ANO2: variants seen among roughly 807,000 people sequenced by gnomAD.
ANO2 encodes the protein anoctamin 2.
A neutral mutation model predicts 124.2 loss-of-function variants in ANO2; 101 were observed. The observed-to-expected ratio is 0.81, with a 90% CI of 0.69 to 0.96. The LOEUF (loss-of-function observed/expected upper bound fraction) is 0.96, where lower values mean the gene tolerates loss of function less well. Ranked by LOEUF, ANO2 falls within the 40% of genes least tolerant of loss-of-function variation. ANO2 has a pLI of 0.00. For synonymous variants in ANO2, 486 were observed against 482.5 expected (o/e 1.01, Z -0.09); for missense variants, 1,293 against 1,274.5 (o/e 1.01, Z -0.22).
chr12:5,675,378 G>A (rs947264036), intron 14 of ANO2, among the ~76,000 whole-genome samples: 1 of 152,076 alleles, frequency 6.6e-6, no homozygotes, highest in Non-Finnish European at 1.5e-5. Context: ...AACTCTCTGG[G>A]GGCAGAGACC....
At chr12:5,714,113 C>A (rs1430574914) in intron 14 of ANO2, among the ~76,000 whole-genome samples, 1 of 152,256 alleles carries the variant, frequency 6.6e-6, no homozygotes, top group Non-Finnish European at 1.5e-5. Context: ...CTGGCCCATT[C>A]TTTTCACTTT....
chr12:5,797,376 G>A (rs190199231), intron 10 of ANO2, among the ~76,000 whole-genome samples: 45 of 152,304 alleles, frequency 3.0e-4, no homozygotes, highest in Admixed American at 1.2e-3. Flanking sequence ...CTGAGGTCTC[G>A]GGTTGTGTCA....
intron 7 of ANO2, among the ~76,000 whole-genome samples, chr12:5,826,855 A>G (rs1319879057): frequency 6.6e-6 from 1 of 152,048 alleles, no homozygotes; most frequent in Non-Finnish European, 1.5e-5. Flanking sequence ...CACCTCCTCT[A>G]TTCAGTAGAC....
intron 4 of ANO2, among the ~76,000 whole-genome samples, chr12:5,853,760 G>A (rs1202428477): frequency 6.6e-6 from 1 of 152,020 alleles, no homozygotes; most frequent in Non-Finnish European, 1.5e-5. Flanking sequence ...GAAAGGAGGT[G>A]AAACAGAAAA....
chr12:5,665,575 G>A (rs1247185532), intron 14 of ANO2, among the ~76,000 whole-genome samples: 1 of 152,192 alleles, frequency 6.6e-6, no homozygotes, highest in Non-Finnish European at 1.5e-5. Flanking sequence ...GCCCCAGAAA[G>A]AGAAACTGCT....
chr12:5,836,939 T>C (rs1046476034), intron 4 of ANO2, among the ~76,000 whole-genome samples: 7 of 152,170 alleles, frequency 4.6e-5, no homozygotes, highest in African/African-American at 1.7e-4. Context: ...CAAACCATAA[T>C]CCCATGAGGA....
At chr12:5,771,193 G>A (rs751859754) in intron 10 of ANO2, among the ~76,000 whole-genome samples, 4 of 152,076 alleles carry the variant, frequency 2.6e-5, no homozygotes, top group South Asian at 2.1e-4. Context: ...TTTGTTCAAC[G>A]GATGACTAAA....
At chr12:5,735,010 C>T (rs1314721584) in intron 13 of ANO2, among the ~76,000 whole-genome samples, 1 of 152,186 alleles carries the variant, frequency 6.6e-6, no homozygotes, top group Non-Finnish European at 1.5e-5. Flanking sequence ...GAATCCGAAA[C>T]TCAAAGAAGA....
At chr12:5,581,290 C>A (rs1187978925) in intron 20 of ANO2, among the ~76,000 whole-genome samples, 1 of 152,148 alleles carries the variant, frequency 6.6e-6, no homozygotes, top group East Asian at 1.9e-4. Flanking sequence ...GTGACTTCCT[C>A]CAGCAGAAAT....
intron 20 of ANO2, among the ~76,000 whole-genome samples, chr12:5,590,276 C>T (rs1252248693): frequency 6.6e-6 from 1 of 152,120 alleles, no homozygotes; most frequent in African/African-American, 2.4e-5. Context: ...CAAGACACTT[C>T]TTCTTCTTCC....
chr12:5,615,331 G>A, intron 16 of ANO2, 34 bp from the exon 17 acceptor site: 1 of 1,541,932 alleles, frequency 6.5e-7, no homozygotes, highest in Non-Finnish European at 8.9e-7. Flanking sequence ...TGAGATTGGG[G>A]TGAGATTTCT....
intron 13 of ANO2, among the ~76,000 whole-genome samples, chr12:5,733,416 T>C (rs1445779600): frequency 6.6e-6 from 1 of 152,224 alleles, no homozygotes; most frequent in Non-Finnish European, 1.5e-5. Context: ...TGTGTACACC[T>C]GGCCTCATTG....
chr12:5,621,645 C>A (rs1254156712), intron 16 of ANO2, among the ~76,000 whole-genome samples: 5 of 152,114 alleles, frequency 3.3e-5, no homozygotes, highest in Non-Finnish European at 7.3e-5. Context: ...TGCCTCTCCA[C>A]AGAATCTTCA....
intron 4 of ANO2, among the ~76,000 whole-genome samples, chr12:5,843,453 G>C (rs1019683335): frequency 5.3e-5 from 8 of 152,004 alleles, no homozygotes; most frequent in Non-Finnish European, 1.0e-4. Context: ...GGGAGGCTGC[G>C]GTATGAGAAT....
chr12:5,891,671 A>C (rs973372463), intron 3 of ANO2, among the ~76,000 whole-genome samples: 1 of 152,206 alleles, frequency 6.6e-6, no homozygotes, highest in Admixed American at 6.5e-5. Flanking sequence ...GCTACATAAT[A>C]CATCACTAAC....
intron 20 of ANO2, among the ~76,000 whole-genome samples, chr12:5,586,163 C>T (rs1943101171): frequency 6.6e-6 from 1 of 152,214 alleles, no homozygotes; most frequent in Non-Finnish European, 1.5e-5. Flanking sequence ...TTGTGGTACG[C>T]TGAGGGCTGT....
chr12:5,945,899 G>A (rs1943081908), upstream of ANO2, among the ~76,000 whole-genome samples: 1 of 152,226 alleles, frequency 6.6e-6, no homozygotes, highest in Admixed American at 6.5e-5. Flanking sequence ...GAGACGCTAG[G>A]AGGGTTAAGG....
At chr12:5,883,660 T>C (rs1943080657) in intron 3 of ANO2, among the ~76,000 whole-genome samples, 1 of 152,018 alleles carries the variant, frequency 6.6e-6, no homozygotes, top group Admixed American at 6.6e-5. Context: ...AGCCCAGGTC[T>C]TCACTTCAAG....
intron 16 of ANO2, among the ~76,000 whole-genome samples, chr12:5,617,680 G>A (rs1417907245): frequency 4.7e-5 from 7 of 149,196 alleles, no homozygotes; most frequent in Non-Finnish European, 7.4e-5. Flanking sequence ...ACGTCGTACC[G>A]CACTCTCCAG....
Sources: gnomAD v4.1 joint callset for allele counts (sites outside exome capture counted in the v4.1 genomes callset) on GRCh38, gnomAD v4.1.1 for gene constraint, MANE v1.5 for transcripts, NCBI Gene and HGNC (gene_info 2026-07-23, HGNC 2026-07-21) for gene names.